The following SLIT1 variants were observed in gnomAD, a reference collection of about 807,000 sequenced individuals.
SLIT1 encodes the protein slit guidance ligand 1, also known as slit homolog 1 protein.
In SLIT1, 66 loss-of-function variants were observed where a neutral mutation model predicts 186.1. The ratio of observed to expected loss-of-function variants is 0.35; its 90% confidence interval spans 0.29 to 0.44. The LOEUF (loss-of-function observed/expected upper bound fraction) is 0.44, where lower values mean the gene tolerates loss of function less well. Among genes scored for constraint, SLIT1 ranks in the 20% least tolerant of loss-of-function variants. The pLI is 1.00. For missense variants in SLIT1, 1,638 were observed against 2,037.4 expected (o/e 0.80, Z 3.77); for synonymous variants, 761 against 833.8 (o/e 0.91, Z 1.50).
At position 97,004,502 on chromosome 10, in the gene SLIT1, A is replaced by T. The variant is rs1589359894; in HGVS notation, c.3710+191T>A. ...TAAGGTGGTGGTGGGATGGGGAAGG[A>T]TGGGGCCACTGCACAGGCCTCAGAG... On this transcript the variant is annotated intron_variant, in intron 33 of 36. Transcript: ENST00000266058. This position sits in a 1 kb window ranked among gnomAD's most constrained non-coding sequence, Gnocchi z 5.1. Among the ~76,000 whole-genome samples the T allele has an allele frequency of 6.6e-6, 1 of 152,120 alleles. No individual in the cohort carries two copies. The highest frequency in any genetic ancestry group is 2.1e-4 in the South Asian group (1 of 4,824).
intron 6 of SLIT1, 45 bp downstream of exon 6, chr10:97,064,760 G>A (rs1269814107): frequency 2.7e-6 from 4 of 1,468,170 alleles, no homozygotes; most frequent in Non-Finnish European, 3.7e-6. Flanking sequence ...CACCTGCCTA[G>A]CAGGGCCCTC....
chr10:97,000,819 G>A lies in SLIT1; in HGVS notation c.*293C>T, dbSNP rs1055596991. On this transcript the variant is annotated 3_prime_UTR_variant, in exon 37 of 37. Coordinates refer to ENST00000266058, the MANE Select transcript of SLIT1 (RefSeq NM_003061.3). Reference sequence around the variant, plus strand: ...GGGTGTCATCGTTCTGCACTTCTTGGCCTGACCTCACGCACACATTCACTC... The same window carrying A: ...GGGTGTCATCGTTCTGCACTTCTTGACCTGACCTCACGCACACATTCACTC... 7.4e-6 allele frequency: 3 copies of A among 407,388 alleles called. No homozygotes were observed. The highest frequency in any genetic ancestry group is 1.3e-5 in the Non-Finnish European group (3 of 223,146). The allele number at this position is 407,388 out of a possible 1,614,324, so 25.2% of individuals were successfully genotyped here. A position where few individuals can be genotyped will look rare whatever the true frequency, so the allele number is the denominator to read the frequency against.
chr10:97,089,342 A>T (rs1849204028), intron 4 of SLIT1, among the ~76,000 whole-genome samples: 1 of 152,212 alleles, frequency 6.6e-6, no homozygotes. Flanking sequence ...CGCTTTTTGC[A>T]GCAGTGAGGG....
Position 97,025,312 on chromosome 10 carries a change from C to T in SLIT1, c.2583-3899G>A, listed in dbSNP as rs146363961. 8.5e-5 allele frequency among the ~76,000 whole-genome samples: 13 copies of T among 152,162 alleles called. No homozygotes were observed. In the East Asian group the frequency reaches 2.1e-3, roughly 25 times the overall value. ...AAAACAAAAACAAAAAAACAAAAAA[C>T]GACAACAACAAAAAATATGGGTACA... On this transcript the variant is annotated intron_variant, in intron 25 of 36. Transcript: ENST00000266058.
chr10:97,154,986 G>C (rs1849930496), intron 4 of SLIT1: 1 of 152,218 alleles, frequency 6.6e-6, no homozygotes, highest in Admixed American at 6.5e-5. Flanking sequence ...CTCGCTGGCA[G>C]TAACAGTGGG....
chr10:97,018,817 CTTCA>C (rs3837348), intron 27 of SLIT1, 134 bp from the exon 28 acceptor site: 14,557 of 645,192 alleles, frequency 0.023, 277 homozygotes, highest in African/African-American at 0.085. Context: ...CATTCGTCCA[CTTCA>C]TTCATTCATT....
chr10:97,018,467 C>T (rs1848473470), intron 28 of SLIT1, 119 bp downstream of exon 28: 4 of 637,014 alleles, frequency 6.3e-6, no homozygotes, highest in Admixed American at 6.2e-5. Context: ...GACAGTGCGC[C>T]TCCACCTCCC....
intron 20 of SLIT1, among the ~76,000 whole-genome samples, chr10:97,042,068 T>G (rs1000046143): frequency 1.5e-4 from 23 of 152,232 alleles, no homozygotes; most frequent in African/African-American, 5.5e-4. Flanking sequence ...AAAAGTATTC[T>G]TAGAGAATTC....
At chr10:97,034,677 G>A in intron 22 of SLIT1, 135 bp from the exon 23 acceptor site, 5 of 726,098 alleles carry the variant, frequency 6.9e-6, no homozygotes, top group Non-Finnish European at 1.0e-5. Context: ...GAGGAGCCCT[G>A]GTGCACAGCC....
At chr10:97,050,245 T>G (rs1589375021) in intron 13 of SLIT1, among the ~76,000 whole-genome samples, 1 of 152,318 alleles carries the variant, frequency 6.6e-6, no homozygotes, top group South Asian at 2.1e-4. Flanking sequence ...CTAAGTGCCA[T>G]CAGTTCAGGC....
chr10:97,030,792 C>T lies in SLIT1; in HGVS notation c.2547G>A (p.Glu849=), dbSNP rs1406558416. ...GGGAGGTCACGTCTGCAAAGATGCC[C>T]TCTTGGAGGGTGGAGATGTCATTGC... The part of the protein sequence containing the change: ...LHGNDISTLQ[E]GIFADVTSLS... The change falls in exon 25 of 37, where the codon GAG becomes GAA. Residue 849 remains glutamate, a synonymous_variant. Coordinates refer to ENST00000266058, the MANE Select transcript of SLIT1 (RefSeq NM_003061.3). The T allele has an allele frequency of 1.9e-6, 3 of 1,613,960 alleles. No homozygotes were observed. The highest frequency in any genetic ancestry group is 4.5e-5 in the East Asian group (2 of 44,894).
At chr10:97,154,240 G>C (rs1166631054) in intron 4 of SLIT1, 2 of 152,164 alleles carry the variant, frequency 1.3e-5, no homozygotes, top group Non-Finnish European at 2.9e-5. Context: ...CAGACACCAG[G>C]GACGAACAAC....
intron 1 of SLIT1, among the ~76,000 whole-genome samples, chr10:97,185,252 C>T (rs1589426833): frequency 6.6e-6 from 1 of 152,220 alleles, no homozygotes; most frequent in East Asian, 1.9e-4. Flanking sequence ...GGTGTGAGGA[C>T]GGAAGCTGAC....
intron 4 of SLIT1, among the ~76,000 whole-genome samples, chr10:97,117,134 TTC>T (rs1054592429): frequency 2.6e-5 from 4 of 152,164 alleles, no homozygotes; most frequent in African/African-American, 9.7e-5. Context: ...AAGCAATTTT[TTC>T]TCTGTGTTTC....
rs2134643457 is a variant in SLIT1 at position 97,068,149 on chromosome 10, A to G, written c.414-2063T>C. On this transcript the variant is annotated intron_variant, in intron 4 of 36. Coordinates refer to ENST00000266058, the MANE Select transcript of SLIT1 (RefSeq NM_003061.3). The surrounding 1 kb of genome is among the most constrained non-coding windows in gnomAD (Gnocchi z 4.2). ...AAGCATTTGTTGAATGAATGAATGA[A>G]TGAATGAATGATGGAACTGGAGAGA... 6.6e-6 allele frequency among the ~76,000 whole-genome samples: 1 copy of G among 152,268 alleles called. No individual in the cohort carries two copies. Among genetic ancestry groups the G allele is most frequent in the East Asian group, 1.9e-4 (1 of 5,172 alleles).
chr10:97,047,623 G>A, intron 16 of SLIT1, 67 bp downstream of exon 16: 2 of 1,495,720 alleles, frequency 1.3e-6, no homozygotes, highest in South Asian at 2.3e-5. Flanking sequence ...GAAAATCCTG[G>A]AGTAGGCCAA....
chr10:97,062,933 G>GGT (rs1007375945), intron 8 of SLIT1, among the ~76,000 whole-genome samples: 2 of 152,220 alleles, frequency 1.3e-5, no homozygotes, highest in African/African-American at 2.4e-5. Context: ...AAGGTGAAAG[G>GGT]GTGTGGGCTT....
chr10:97,114,407 C>A (rs1414486315), intron 4 of SLIT1, among the ~76,000 whole-genome samples: 1 of 152,202 alleles, frequency 6.6e-6, no homozygotes, highest in Non-Finnish European at 1.5e-5. Flanking sequence ...ATAATCCCAG[C>A]ACTTTGGGAG....
chr10:97,150,677 A>T (rs1367344233), intron 4 of SLIT1, among the ~76,000 whole-genome samples: 9 of 149,662 alleles, frequency 6.0e-5, no homozygotes, highest in Non-Finnish European at 1.3e-4. Flanking sequence ...AGCCCAGAGG[A>T]ACTGGGTTTC....
Sources: gnomAD v4.1 joint callset for allele counts (sites outside exome capture counted in the v4.1 genomes callset) on GRCh38, gnomAD v4.1.1 for gene constraint, Gnocchi (gnomAD v3.1) non-coding constraint, MANE v1.5 for transcripts, NCBI Gene and HGNC (gene_info 2026-07-23, HGNC 2026-07-21) for gene names.